OTUD7A: variants seen among roughly 807,000 people sequenced by gnomAD.
OTUD7A encodes OTU domain-containing protein 7A.
A neutral mutation model predicts 65.7 loss-of-function variants in OTUD7A; 12 were observed. The observed-to-expected ratio is 0.18, with a 90% CI of 0.12 to 0.30. The LOEUF (loss-of-function observed/expected upper bound fraction) is 0.30, where lower values mean the gene tolerates loss of function less well. Among genes scored for constraint, OTUD7A ranks in the 10% least tolerant of loss-of-function variants. The pLI, the probability that OTUD7A is intolerant of heterozygous loss-of-function variation, is 1.00. For synonymous variants in OTUD7A, 641 were observed against 586.3 expected, an observed-to-expected ratio of 1.09 and a Z score of -1.35; for missense variants, 1,148 against 1,304.8, an observed-to-expected ratio of 0.88 and a Z score of 1.85.
chr15:31,815,029 C>A (rs747643079), intron 1 of OTUD7A, among the ~76,000 whole-genome samples: 33 of 152,248 alleles, frequency 2.2e-4, no homozygotes, highest in Non-Finnish European at 4.1e-4. Flanking sequence ...CTCTCAAATC[C>A]CAGGCTTGCT....
intron 1 of OTUD7A, among the ~76,000 whole-genome samples, chr15:31,731,079 T>C (rs759838128): frequency 6.6e-6 from 1 of 152,228 alleles, no homozygotes; most frequent in Non-Finnish European, 1.5e-5. Context: ...ACCAGACTCC[T>C]GGGATAATGC....
chr15:31,646,001 C>A (rs1422545705), intron 3 of OTUD7A, among the ~76,000 whole-genome samples: 1 of 152,210 alleles, frequency 6.6e-6, no homozygotes, highest in Non-Finnish European at 1.5e-5. Context: ...ATGCAGCAGC[C>A]TCCTCTTTCC....
intron 4 of OTUD7A, among the ~76,000 whole-genome samples, chr15:31,561,752 A>G (rs747004403): frequency 6.6e-6 from 1 of 151,464 alleles, no homozygotes; most frequent in Admixed American, 6.6e-5. Context: ...CCAGGAATGC[A>G]CACATATCAT....
rs191101436 is a variant in OTUD7A, at chr15:31,832,521, T to C, written c.-100+37986A>G. Among the ~76,000 whole-genome samples the C allele has an allele frequency of 7.9e-4, 121 of 152,342 alleles. 1 individual carries two copies. Among genetic ancestry groups the C allele is most frequent in the African/African-American group, 2.7e-3 (114 of 41,580 alleles). ...GTGTACACTTCTAAGGCATTAAGTA[T>C]ATTCACACTGTTGTACAACCATCAA... On this transcript the variant is annotated intron_variant, in intron 1 of 12. Transcript: ENST00000307050.
chr15:31,667,041 G>A (rs1387133442), intron 1 of OTUD7A, among the ~76,000 whole-genome samples: 1 of 152,130 alleles, frequency 6.6e-6, no homozygotes, highest in Non-Finnish European at 1.5e-5. Flanking sequence ...CTCATTTTGA[G>A]GCCTATCATA....
intron 1 of OTUD7A, among the ~76,000 whole-genome samples, chr15:31,773,631 T>C (rs1895296564): frequency 6.6e-6 from 1 of 152,228 alleles, no homozygotes; most frequent in Admixed American, 6.5e-5. Context: ...GTAATACCAG[T>C]TTAATCCCAG....
At chr15:31,611,138 T>C (rs1043526721) in intron 3 of OTUD7A, among the ~76,000 whole-genome samples, 3 of 151,954 alleles carry the variant, frequency 2.0e-5, no homozygotes, top group African/African-American at 7.3e-5. Flanking sequence ...TCAAAATCTC[T>C]GGGATATAGC....
chr15:31,693,645 C>T (rs1181213230), intron 1 of OTUD7A, among the ~76,000 whole-genome samples: 5 of 152,126 alleles, frequency 3.3e-5, no homozygotes, highest in Admixed American at 1.3e-4. Flanking sequence ...GTGGACACAC[C>T]GCGTGTCTGG....
At position 31,724,757 on chromosome 15, in the gene OTUD7A, A is replaced by C. The variant is rs540582385; in HGVS notation, c.-99-67680T>G. On this transcript the variant is annotated intron_variant, in intron 1 of 12. Transcript: ENST00000307050. ...GGACCATCCAGCCTTTACCTGAAGG[A>C]ATGTTCCCTGGATTATGGTTGTTTG... Among the ~76,000 whole-genome samples the C allele has an allele frequency of 4.7e-3, 712 of 152,274 alleles. 7 individuals carry two copies. The highest frequency in any genetic ancestry group is 0.014 in the Middle Eastern group (4 of 294).
In OTUD7A at chr15:31,480,847, G is replaced by A. The variant is rs777896360; in HGVS notation, c.*2447C>T. ...CTGGAGCAGGTGTCTACAGGCGTCT[G>A]GCGCCTCGTTACCACATTGAGAAGC... On this transcript the variant is annotated 3_prime_UTR_variant, in exon 13 of 13. Coordinates refer to ENST00000307050, the MANE Select transcript of OTUD7A (RefSeq NM_001382637.1). The A allele has an allele frequency of 3.9e-5, 6 of 152,246 alleles. No homozygotes were observed. Among genetic ancestry groups the A allele is most frequent in the Non-Finnish European group, 7.3e-5 (5 of 68,054 alleles). The allele number at this position is 152,246 out of a possible 1,614,324, so 9.4% of individuals were successfully genotyped here. A position where few individuals can be genotyped will look rare whatever the true frequency, so the allele number is the denominator to read the frequency against.
intron 1 of OTUD7A, among the ~76,000 whole-genome samples, chr15:31,679,740 T>C (rs191882012): frequency 6.6e-6 from 1 of 152,186 alleles, no homozygotes; most frequent in Admixed American, 6.5e-5. Context: ...CTTTATAAAT[T>C]ACCCAATCTT....
chr15:31,728,191 T>TCA (rs1188481125), intron 1 of OTUD7A, among the ~76,000 whole-genome samples: 3 of 152,206 alleles, frequency 2.0e-5, no homozygotes, highest in Admixed American at 2.0e-4. Context: ...TTCCATCTAC[T>TCA]CAGTTGATCA....
chr15:31,512,967 T>C (rs558399558), intron 8 of OTUD7A, among the ~76,000 whole-genome samples: 6 of 152,322 alleles, frequency 3.9e-5, no homozygotes, highest in Admixed American at 3.9e-4. Flanking sequence ...GAACCTCTAT[T>C]TTACTTTTTA....
intron 1 of OTUD7A, among the ~76,000 whole-genome samples, chr15:31,810,426 C>T (rs1896388212): frequency 6.6e-6 from 1 of 152,042 alleles, no homozygotes; most frequent in African/African-American, 2.4e-5. Flanking sequence ...GGCCCTAAAC[C>T]AATAGGGTTT....
intron 1 of OTUD7A, among the ~76,000 whole-genome samples, chr15:31,780,586 C>T (rs1331614764): frequency 2.0e-5 from 3 of 152,152 alleles, no homozygotes; most frequent in Admixed American, 6.5e-5. Flanking sequence ...GGGAAAGACA[C>T]TAACGAGGGA....
chr15:31,643,665 T>A (rs1213990451), intron 3 of OTUD7A, among the ~76,000 whole-genome samples: 1 of 152,240 alleles, frequency 6.6e-6, no homozygotes, highest in Non-Finnish European at 1.5e-5. Flanking sequence ...TTCCTGCTAC[T>A]TTGCATTCCT....
At chr15:31,553,306 G>A (rs762640848) in intron 5 of OTUD7A, among the ~76,000 whole-genome samples, 19 of 152,096 alleles carry the variant, frequency 1.2e-4, no homozygotes, top group Non-Finnish European at 2.4e-4. Context: ...CCCAGCCTGA[G>A]TCTTTGGAAA....
chr15:31,580,011 C>T (rs1201327938), intron 3 of OTUD7A, among the ~76,000 whole-genome samples: 1 of 152,202 alleles, frequency 6.6e-6, no homozygotes. Context: ...TAGGAAAGAA[C>T]CACTATAATT....
chr15:31,672,903 T>C (rs1372636101), intron 1 of OTUD7A, among the ~76,000 whole-genome samples: 2 of 152,228 alleles, frequency 1.3e-5, no homozygotes, highest in Non-Finnish European at 1.5e-5. Flanking sequence ...AGTCTTCTCC[T>C]GTGTGCACTG....
Sources: allele counts gnomAD v4.1 joint callset (sites outside exome capture counted in the v4.1 genomes callset), GRCh38; gene constraint gnomAD v4.1.1; transcripts MANE v1.5; gene names NCBI Gene and HGNC (gene_info 2026-07-23, HGNC 2026-07-21).